Variants in FAM107B observed in about 807,000 individuals in gnomAD.
FAM107B encodes the protein protein FAM107B.
A neutral mutation model predicts 31.5 loss-of-function variants in FAM107B; 21 were observed. The ratio of observed to expected loss-of-function variants is 0.67; its 90% CI spans 0.47 to 0.96. The LOEUF (loss-of-function observed/expected upper bound fraction) is 0.96, where lower values mean the gene tolerates loss of function less well. FAM107B is among the 40% of genes least tolerant of loss of function. FAM107B has a pLI of 0.00. For missense variants in FAM107B, 452 were observed against 377.1 expected (o/e 1.20, Z -1.64); for synonymous variants, 157 against 141.5 (o/e 1.11, Z -0.78).
intron 1 of FAM107B, among the ~76,000 whole-genome samples, chr10:14,727,440 A>G (rs949929967): frequency 2.6e-5 from 4 of 152,246 alleles, no homozygotes; most frequent in Non-Finnish European, 5.9e-5. Flanking sequence ...AACTGTCAGC[A>G]GCTGCATGTC....
intron 1 of FAM107B, among the ~76,000 whole-genome samples, chr10:14,709,355 C>T (rs752545818): frequency 4.5e-4 from 68 of 152,306 alleles, no homozygotes; most frequent in Admixed American, 6.5e-4. Flanking sequence ...GTTTAATGAA[C>T]TTACAGTTCC....
chr10:14,712,227 C>T (rs1855665162), intron 1 of FAM107B, among the ~76,000 whole-genome samples: 1 of 152,028 alleles, frequency 6.6e-6, no homozygotes, highest in African/African-American at 2.4e-5. Flanking sequence ...ACTAAAATAT[C>T]TTATGTATCT....
chr10:14,652,296 G>C (rs1266460951), intron 2 of FAM107B, among the ~76,000 whole-genome samples: 1 of 152,190 alleles, frequency 6.6e-6, no homozygotes, highest in African/African-American at 2.4e-5. Context: ...GCTTTCTAAA[G>C]AGCACCAGAT....
intron 2 of FAM107B, among the ~76,000 whole-genome samples, chr10:14,608,427 G>A (rs1852645746): frequency 1.3e-5 from 2 of 152,200 alleles, no homozygotes; most frequent in South Asian, 4.1e-4. Flanking sequence ...CTGTGGGTTG[G>A]CAATTTGGAC....
At chr10:14,557,008 A>G (rs1469303850) in intron 2 of FAM107B, among the ~76,000 whole-genome samples, 2 of 152,136 alleles carry the variant, frequency 1.3e-5, no homozygotes, top group African/African-American at 4.8e-5. Context: ...GGTGCACATG[A>G]TGTCCCCACC....
At chr10:14,710,466 AC>A in intron 1 of FAM107B, among the ~76,000 whole-genome samples, 1 of 151,328 alleles carries the variant, frequency 6.6e-6, no homozygotes, top group African/African-American at 2.4e-5. Context: ...ACACACACAC[AC>A]ACACACACAC....
chr10:14,547,214 G>A (rs1029116549), intron 2 of FAM107B, among the ~76,000 whole-genome samples: 4 of 152,176 alleles, frequency 2.6e-5, no homozygotes, highest in African/African-American at 9.7e-5. Flanking sequence ...TTCCTGGTGG[G>A]TTTTGGCTGA....
chr10:14,581,199 C>T (rs1042871562), intron 2 of FAM107B, among the ~76,000 whole-genome samples: 3 of 152,132 alleles, frequency 2.0e-5, no homozygotes, highest in Non-Finnish European at 4.4e-5. Flanking sequence ...GAGAGCGTTG[C>T]GCGTCAGATG....
chr10:14,539,999 G>A (rs988780586), intron 2 of FAM107B, among the ~76,000 whole-genome samples: 1 of 152,232 alleles, frequency 6.6e-6, no homozygotes. Flanking sequence ...AGGGCGACCA[G>A]ACGTCTGCCA....
intron 1 of FAM107B, among the ~76,000 whole-genome samples, chr10:14,673,768 G>A (rs1035186549): frequency 6.6e-5 from 10 of 151,982 alleles, no homozygotes; most frequent in Admixed American, 6.6e-4. Flanking sequence ...TATCCTTTTC[G>A]GCGTTTGTTA....
At chr10:14,672,064 A>G (rs1854570181) in intron 1 of FAM107B, among the ~76,000 whole-genome samples, 1 of 150,266 alleles carries the variant, frequency 6.7e-6, no homozygotes, top group South Asian at 2.1e-4. Flanking sequence ...CTCCCCTGCC[A>G]TCATGAGTTT....
chr10:14,727,634 T>C (rs1251885918), intron 1 of FAM107B, among the ~76,000 whole-genome samples: 1 of 152,220 alleles, frequency 6.6e-6, no homozygotes, highest in Non-Finnish European at 1.5e-5. Context: ...TGTTTTACAT[T>C]CTTCTTAGAG....
intron 1 of FAM107B, among the ~76,000 whole-genome samples, chr10:14,680,209 TA>T (rs1233061760): frequency 1.3e-5 from 2 of 152,116 alleles, no homozygotes; most frequent in African/African-American, 4.8e-5. Context: ...AACTCTGAGC[TA>T]GCAACAGTCA....
chr10:14,585,104 C>T (rs1412651398), intron 2 of FAM107B, among the ~76,000 whole-genome samples: 1 of 152,206 alleles, frequency 6.6e-6, no homozygotes, highest in Non-Finnish European at 1.5e-5. Context: ...GGTATTTAAA[C>T]CCAAGAAAAT....
intron 2 of FAM107B, among the ~76,000 whole-genome samples, chr10:14,600,857 T>C (rs1210503437): frequency 6.6e-6 from 1 of 152,032 alleles, no homozygotes; most frequent in Non-Finnish European, 1.5e-5. Flanking sequence ...CCCAGCCTGG[T>C]CTCAAACTCT....
At chr10:14,607,864 T>C (rs941966172) in intron 2 of FAM107B, among the ~76,000 whole-genome samples, 1 of 152,220 alleles carries the variant, frequency 6.6e-6, no homozygotes, top group Non-Finnish European at 1.5e-5. Flanking sequence ...TCTCTGATCT[T>C]GCATTACTGG....
intron 2 of FAM107B, among the ~76,000 whole-genome samples, chr10:14,617,202 T>C (rs371906846): frequency 1.3e-5 from 2 of 152,200 alleles, no homozygotes. Context: ...CGGTTTTCAC[T>C]GTGAATGAAA....
chr10:14,734,041 A>G (rs1856235556), intron 1 of FAM107B, among the ~76,000 whole-genome samples: 1 of 152,202 alleles, frequency 6.6e-6, no homozygotes, highest in Admixed American at 6.5e-5. Context: ...AAACACACCT[A>G]CATAAACTTG....
chr10:14,597,644 G>A (rs1209303820), intron 2 of FAM107B, among the ~76,000 whole-genome samples: 4 of 152,118 alleles, frequency 2.6e-5, no homozygotes, highest in African/African-American at 9.7e-5. Flanking sequence ...ACTGCCGGCT[G>A]CATTACTAAC....
Sources: gnomAD v4.1 joint callset for allele counts (sites outside exome capture counted in the v4.1 genomes callset) on GRCh38, gnomAD v4.1.1 for gene constraint, MANE v1.5 for transcripts, NCBI Gene and HGNC (gene_info 2026-07-23, HGNC 2026-07-21) for gene names.